ARHGAP6: variants seen among roughly 807,000 people sequenced by gnomAD.
The protein encoded by ARHGAP6 is rho GTPase-activating protein 6.
In ARHGAP6, 16 loss-of-function variants were observed where a neutral mutation model predicts 55.7. That is an observed-to-expected ratio of 0.29 (90% confidence interval 0.19 to 0.44). The LOEUF is 0.44. ARHGAP6 is among the 20% of genes least tolerant of loss of function. The pLI is 1.00. For synonymous variants in ARHGAP6, 382 were observed against 360.9 expected (o/e 1.06, Z -0.66); for missense variants, 698 against 808.9 (o/e 0.86, Z 1.66).
intron 1 of ARHGAP6, chrX:11,294,819 C>A (rs2048054352): frequency 1.7e-6 from 2 of 1,210,059 alleles, no homozygotes; most frequent in Non-Finnish European, 2.2e-6. Context: ...TGCCTGCCTC[C>A]TGGGAGCAGC....
At chrX:11,248,015 G>C (rs769414307) in intron 2 of ARHGAP6, among the ~76,000 whole-genome samples, 15 of 111,979 alleles carry the variant, frequency 1.3e-4, no homozygotes, top group African/African-American at 4.9e-4. Context: ...ATTCTCAAAA[G>C]CATTTTCAAA....
At chrX:11,421,721 A>G (rs2049825984) in intron 1 of ARHGAP6, among the ~76,000 whole-genome samples, 1 of 111,609 alleles carries the variant, frequency 9.0e-6, no homozygotes, top group Admixed American at 9.5e-5. Context: ...CTGCTTGAGT[A>G]GTAAGTGGTT....
intron 2 of ARHGAP6, among the ~76,000 whole-genome samples, chrX:11,233,105 T>C (rs1370964665): frequency 8.9e-6 from 1 of 112,669 alleles, no homozygotes; most frequent in Admixed American, 9.4e-5. Context: ...TCAAACGTTA[T>C]CTTGAAATTT....
At chrX:11,601,595 T>G (rs2051974271) in intron 1 of ARHGAP6, among the ~76,000 whole-genome samples, 1 of 112,223 alleles carries the variant, frequency 8.9e-6, no homozygotes, top group South Asian at 3.7e-4. Flanking sequence ...TGGATATTAC[T>G]GGTAAGGAAC....
intron 1 of ARHGAP6, among the ~76,000 whole-genome samples, chrX:11,628,988 T>C (rs397896402): frequency 2.7e-4 from 22 of 81,497 alleles, no homozygotes; most frequent in African/African-American, 1.2e-3. Context: ...CAGATACGTG[T>C]GTGTGTGTGT....
At chrX:11,208,367 G>A (rs1174087617) in intron 2 of ARHGAP6, among the ~76,000 whole-genome samples, 1 of 111,783 alleles carries the variant, frequency 8.9e-6, no homozygotes, top group East Asian at 2.8e-4. Context: ...GGTTGTTGAA[G>A]AGGAGCCAAA....
chrX:11,544,865 A>C (rs1189685614), intron 1 of ARHGAP6, among the ~76,000 whole-genome samples: 2 of 112,784 alleles, frequency 1.8e-5, no homozygotes, highest in Non-Finnish European at 3.7e-5. Context: ...AAGTCTTCTA[A>C]TAGGGCCAAC....
At chrX:11,327,222 G>C (rs2048510014) in intron 1 of ARHGAP6, among the ~76,000 whole-genome samples, 1 of 112,366 alleles carries the variant, frequency 8.9e-6, no homozygotes, top group South Asian at 3.7e-4. Flanking sequence ...GAATGGGGTA[G>C]TAAAGAGAAG....
chrX:11,467,673 A>C lies in ARHGAP6; in HGVS notation c.588+196568T>G, dbSNP rs185883611. Among the ~76,000 whole-genome samples the C allele has an allele frequency of 6.3e-5, 7 of 111,923 alleles. No homozygotes were observed. In the Admixed American group the frequency reaches 6.6e-4, roughly 11 times the overall value. On this transcript the variant is annotated intron_variant, in intron 1 of 12. Coordinates refer to ENST00000337414, the MANE Select transcript of ARHGAP6 (RefSeq NM_013427.3). The stretch of plus-strand genomic sequence containing the variant: ...GGGTACACTGTAGATATCCATTTAT[A>C]TAAAGTACAAAAATGGCCAAAGCTG...
intron 2 of ARHGAP6, among the ~76,000 whole-genome samples, chrX:11,243,363 T>C (rs1282628416): frequency 1.8e-5 from 2 of 111,920 alleles, no homozygotes; most frequent in Non-Finnish European, 3.8e-5. Context: ...ATCCCAGTGA[T>C]TTATTTCTAC....
chrX:11,613,827 C>T (rs2052131479), intron 1 of ARHGAP6, among the ~76,000 whole-genome samples: 1 of 112,275 alleles, frequency 8.9e-6, no homozygotes, highest in Non-Finnish European at 1.9e-5. Flanking sequence ...TGTATTCACC[C>T]TCTGTCCCCT....
chrX:11,403,795 G>C (rs374694393), intron 1 of ARHGAP6, among the ~76,000 whole-genome samples: 97 of 112,287 alleles, frequency 8.6e-4, no homozygotes, highest in African/African-American at 3.0e-3. Flanking sequence ...AAATCTGTTA[G>C]ATAAACAAAT....
chrX:11,169,454 G>A (rs764714081), intron 9 of ARHGAP6, 51 bp downstream of exon 9: 7 of 1,108,232 alleles, frequency 6.3e-6, no homozygotes, highest in Non-Finnish European at 8.4e-6. Context: ...GCCTCCAGAG[G>A]AAACCAATAG....
At chrX:11,460,805 A>G (rs986926031) in intron 1 of ARHGAP6, among the ~76,000 whole-genome samples, 14 of 112,051 alleles carry the variant, frequency 1.2e-4, no homozygotes, top group African/African-American at 4.2e-4. Context: ...GTGTGACTAC[A>G]GGTAGATTAT....
intron 1 of ARHGAP6, among the ~76,000 whole-genome samples, chrX:11,447,228 CA>C (rs2050100911): frequency 8.9e-6 from 1 of 112,216 alleles, no homozygotes; most frequent in African/African-American, 3.2e-5. Flanking sequence ...TAGTTTTCCA[CA>C]AACCCATCTG....
intron 2 of ARHGAP6, among the ~76,000 whole-genome samples, chrX:11,213,819 C>T (rs769311040): frequency 9.0e-6 from 1 of 111,657 alleles, no homozygotes; most frequent in East Asian, 2.8e-4. Context: ...CACTAAAAGC[C>T]CAGACTTCAC....
At chrX:11,650,688 CCTAT>C (rs1318884295) in intron 1 of ARHGAP6, among the ~76,000 whole-genome samples, 5 of 112,628 alleles carry the variant, frequency 4.4e-5, no homozygotes, top group African/African-American at 6.4e-5. Context: ...TAACACTATA[CCTAT>C]CTTTCACCAT....
chrX:11,403,947 G>A (rs765976068), intron 1 of ARHGAP6, among the ~76,000 whole-genome samples: 9 of 112,257 alleles, frequency 8.0e-5, no homozygotes, highest in Non-Finnish European at 1.5e-4. Flanking sequence ...TGCTAATGTT[G>A]AATATCCTGT....
intron 1 of ARHGAP6, among the ~76,000 whole-genome samples, chrX:11,287,914 C>T (rs778271222): frequency 8.9e-6 from 1 of 112,541 alleles, no homozygotes; most frequent in Non-Finnish European, 1.9e-5. Flanking sequence ...ATGCCCTCCA[C>T]CTTGCACCAC....
Sources: gnomAD v4.1 joint callset for allele counts (sites outside exome capture counted in the v4.1 genomes callset) on GRCh38, gnomAD v4.1.1 for gene constraint, MANE v1.5 for transcripts, NCBI Gene and HGNC (gene_info 2026-07-23, HGNC 2026-07-21) for gene names.